Variants in XPO1 observed in about 807,000 individuals in gnomAD.
XPO1 encodes the protein exportin 1.
In XPO1, 5 loss-of-function variants were observed where a neutral mutation model predicts 133.3. The observed-to-expected ratio is 0.04, with a 90% CI of 0.02 to 0.08. XPO1 has a LOEUF of 0.08. Ranked by LOEUF, XPO1 falls within the 10% of genes least tolerant of loss-of-function variation. The pLI is 1.00. For missense variants in XPO1, 506 were observed against 1,267.5 expected, an observed-to-expected ratio of 0.40 and a Z score of 9.12; for synonymous variants, 419 against 408.2, an observed-to-expected ratio of 1.03 and a Z score of -0.32.
At chr2:61,536,422 G>A (rs897107639) in intron 1 of XPO1, 1 of 152,188 alleles carries the variant, frequency 6.6e-6, no homozygotes, top group African/African-American at 2.4e-5. Flanking sequence ...CCACTCACTG[G>A]ATAACATACA....
intron 4 of XPO1, among the ~76,000 whole-genome samples, chr2:61,519,115 T>A (rs1226841249): frequency 6.6e-6 from 1 of 152,158 alleles, no homozygotes; most frequent in Non-Finnish European, 1.5e-5. Flanking sequence ...CACGCCCGGC[T>A]AATTTTTGTA....
intron 2 of XPO1, among the ~76,000 whole-genome samples, chr2:61,528,444 C>G (rs1558679103): frequency 6.6e-6 from 1 of 151,898 alleles, no homozygotes; most frequent in Non-Finnish European, 1.5e-5. Context: ...ACCATCCTGA[C>G]CAATATGGCG....
At chr2:61,514,839 C>T (rs148368691) in intron 4 of XPO1, among the ~76,000 whole-genome samples, 26 of 151,908 alleles carry the variant, frequency 1.7e-4, no homozygotes, top group Non-Finnish European at 1.5e-5. Context: ...CTGTGAGAGG[C>T]CGAAGTGGAC....
chr2:61,528,594 A>C (rs1247746332), intron 2 of XPO1, among the ~76,000 whole-genome samples: 1 of 150,836 alleles, frequency 6.6e-6, no homozygotes, highest in African/African-American at 2.4e-5. Context: ...ATTCCCCAAG[A>C]ATCAGGAAGA....
chr2:61,511,656 C>G (rs929461151), intron 4 of XPO1, among the ~76,000 whole-genome samples: 1 of 152,212 alleles, frequency 6.6e-6, no homozygotes, highest in African/African-American at 2.4e-5. Context: ...AAGAGAGCCT[C>G]CCAAACTGCT....
At position 61,533,762 on chromosome 2, in the gene XPO1, G is replaced by C. The variant is rs549407121; in HGVS notation, c.126+10C>G. Reference sequence around the variant, plus strand: ...TCATAATGTTATAAAGTTTTGGTTGGCTACTTTACCTGGGCTCCTTCTCCA... The same window carrying C: ...TCATAATGTTATAAAGTTTTGGTTGCCTACTTTACCTGGGCTCCTTCTCCA... On this transcript the variant is annotated intron_variant, in intron 2 of 24. Coordinates refer to ENST00000401558, the MANE Select transcript of XPO1 (RefSeq NM_003400.4). 1.9e-6 allele frequency: 3 copies of C among 1,574,442 alleles called. No homozygotes were observed. Among genetic ancestry groups the C allele is most frequent in the Non-Finnish European group, 2.6e-6 (3 of 1,163,408 alleles).
intron 3 of XPO1, 70 bp downstream of exon 3, chr2:61,526,350 G>C (rs1038876944): frequency 1.2e-5 from 18 of 1,529,646 alleles, no homozygotes; most frequent in South Asian, 2.5e-5. Context: ...TACTAAAAAT[G>C]AGATACCTTC....
At chr2:61,483,224 T>C in intron 21 of XPO1, 133 bp from the exon 22 acceptor site, 1 of 913,450 alleles carries the variant, frequency 1.1e-6, no homozygotes, top group South Asian at 1.9e-5. Context: ...AATAATTACT[T>C]GCATAAGGTT....
At chr2:61,481,078 A>T in intron 24 of XPO1, 107 bp downstream of exon 24, 1 of 651,058 alleles carries the variant, frequency 1.5e-6, no homozygotes, top group Non-Finnish European at 2.5e-6. Context: ...TTATCTTGAA[A>T]CCCCATTTAT....
In XPO1 at chr2:61,490,541, G is replaced by A. The variant is rs1290683431; in HGVS notation, c.2022+101C>T. On this transcript the variant is annotated intron_variant, in intron 17 of 24. Coordinates refer to ENST00000401558, the MANE Select transcript of XPO1 (RefSeq NM_003400.4). ...AAAGACACACATAAAAGCACTTATG[G>A]ATCACACATACATGTTAAAAGGCTT... 6.7e-6 allele frequency: 10 copies of A among 1,497,596 alleles called. No homozygotes were observed. The East Asian group carries it at 6.8e-5, about 10-fold the overall frequency. The allele number at this position is 1,497,596 out of a possible 1,614,324, so 92.8% of individuals were successfully genotyped here.
At chr2:61,533,660 A>C in intron 2 of XPO1, 112 bp downstream of exon 2, 2 of 1,225,304 alleles carry the variant, frequency 1.6e-6, no homozygotes, top group Non-Finnish European at 1.1e-6. Context: ...ATTCCAAATT[A>C]ATGCAAACTA....
At chr2:61,483,682 A>G (rs1696525659) in intron 21 of XPO1, 1 of 377,960 alleles carries the variant, frequency 2.6e-6, no homozygotes, top group Non-Finnish European at 4.7e-6. Context: ...CTACAACATC[A>G]CTACCCAGTA....
chr2:61,487,891 T>C (rs1348422552), intron 19 of XPO1, among the ~76,000 whole-genome samples: 4 of 152,190 alleles, frequency 2.6e-5, no homozygotes, highest in Non-Finnish European at 5.9e-5. Flanking sequence ...AATTAAATCC[T>C]CCTAACCTAT....
chr2:61,488,826 G>A, intron 17 of XPO1, 55 bp from the exon 18 acceptor site: 1 of 1,579,952 alleles, frequency 6.3e-7, no homozygotes. Flanking sequence ...CCACGGCTGG[G>A]AACAGTGGCT....
At chr2:61,484,272 T>G (rs1251413314) in intron 20 of XPO1, 167 bp from the exon 21 acceptor site, 13 of 574,410 alleles carry the variant, frequency 2.3e-5, no homozygotes, top group Admixed American at 3.5e-5. Context: ...AATCCACCTC[T>G]CACGGAAAAT....
At chr2:61,505,618 G>C (rs538133326) in intron 4 of XPO1, among the ~76,000 whole-genome samples, 1 of 151,986 alleles carries the variant, frequency 6.6e-6, no homozygotes, top group Non-Finnish European at 1.5e-5. Flanking sequence ...GTGTGCAGTG[G>C]CGTGATCTCA....
intron 21 of XPO1, chr2:61,483,343 T>G (rs1259238229): frequency 3.2e-5 from 12 of 373,262 alleles, no homozygotes; most frequent in Admixed American, 2.7e-4. Flanking sequence ...AAAGATCATA[T>G]AATGGACTTT....
chr2:61,492,840 G>A lies in XPO1; in HGVS notation c.1384+75C>T. The A allele has an allele frequency of 6.4e-7, 1 of 1,550,516 alleles. No individual in the cohort carries two copies. Among genetic ancestry groups the A allele is most frequent in the South Asian group, 1.2e-5 (1 of 83,338 alleles). ...TTTAGAAAATATTTAGAAACTACAAGTACATTTCCTAAAATGTATTTCCAC... is the reference window on the plus strand; with the variant it reads ...TTTAGAAAATATTTAGAAACTACAAATACATTTCCTAAAATGTATTTCCAC... On this transcript the variant is annotated intron_variant, in intron 13 of 24. Transcript: ENST00000401558. The surrounding 1 kb of genome is among the most constrained non-coding windows in gnomAD (Gnocchi z 5.6).
At chr2:61,531,425 A>T (rs770374893) in intron 2 of XPO1, among the ~76,000 whole-genome samples, 1 of 152,206 alleles carries the variant, frequency 6.6e-6, no homozygotes, top group Non-Finnish European at 1.5e-5. Context: ...AAAACAAACC[A>T]TTAAATTTCT....
Sources: gnomAD v4.1 joint callset for allele counts (sites outside exome capture counted in the v4.1 genomes callset) on GRCh38, gnomAD v4.1.1 for gene constraint, Gnocchi (gnomAD v3.1) non-coding constraint, MANE v1.5 for transcripts, NCBI Gene and HGNC (gene_info 2026-07-23, HGNC 2026-07-21) for gene names.